SIGIRR: variants seen among roughly 807,000 people sequenced by gnomAD.
The protein encoded by SIGIRR is single Ig and TIR domain containing, also known as single Ig IL-1-related receptor.
SIGIRR carries 41 observed loss-of-function variants against 45.6 expected under a neutral mutation model. That is an observed-to-expected ratio of 0.90 (90% CI 0.70 to 1.17). SIGIRR has a LOEUF of 1.17. SIGIRR is among the 50% of genes most tolerant of loss of function. The pLI is 0.00. For missense variants in SIGIRR, 599 were observed against 539.6 expected (o/e 1.11, Z -1.09); for synonymous variants, 298 against 239.0 (o/e 1.25, Z -2.28).
In SIGIRR at chr11:409,923, C is replaced by T; in HGVS notation, c.-49G>A. ...GGGCAGGCTGGGCTCCAGGGTCACC[C>T]CTGGCTCCACCGGGCTCCTCGGCCA... On this transcript the variant is annotated 5_prime_UTR_variant, in exon 2 of 10. Transcript: ENST00000431843. The T allele has an allele frequency of 7.8e-7, 1 of 1,278,116 alleles. No homozygotes were observed. 79.2% of individuals were successfully genotyped at this position (1,278,116 alleles called of 1,614,324 possible). A position where few individuals can be genotyped will look rare whatever the true frequency, so the allele number is the denominator to read the frequency against.
chr11:409,164 T>A (rs1847481826), intron 2 of SIGIRR: 1 of 527,744 alleles, frequency 1.9e-6, no homozygotes, highest in African/African-American at 1.9e-5. Flanking sequence ...AAGCCCCATC[T>A]GGCTGCTTGT....
Position 414,878 on chromosome 11 carries a change from G to A in SIGIRR, c.-209C>T. The stretch of plus-strand genomic sequence containing the variant: ...ATGTTGGTCATTGGTGCGCCTTTGG[G>A]AGCAAACTCTCCCCTTCGCTGGGCC... On this transcript the variant is annotated 5_prime_UTR_variant, in exon 1 of 10. Coordinates refer to ENST00000431843, the MANE Select transcript of SIGIRR (RefSeq NM_001135054.2). The A allele has an allele frequency of 2.0e-6, 2 of 985,498 alleles. No homozygotes were observed. The highest frequency in any genetic ancestry group is 2.4e-6 in the Non-Finnish European group (2 of 830,000). The allele number at this position is 985,498 out of a possible 1,614,324, so 61.0% of individuals were successfully genotyped here.
At chr11:409,209 A>G in intron 2 of SIGIRR, 1 of 483,302 alleles carries the variant, frequency 2.1e-6, no homozygotes, top group South Asian at 1.8e-5. Flanking sequence ...CCCATTTCCC[A>G]GATGCACCTG....
At position 407,432 on chromosome 11, in the gene SIGIRR, C is replaced by A. The variant is rs368908496; in HGVS notation, c.618G>T (p.Pro206=). 89 of 1,546,624 alleles carry A rather than the reference C, an allele frequency of 5.8e-5. No individual in the cohort carries two copies. Among genetic ancestry groups the A allele is most frequent in the Non-Finnish European group, 7.4e-5 (85 of 1,145,448 alleles). Residue 206 remains proline, a synonymous_variant, in exon 6 of 10, where the codon CCG becomes CCT. Transcript: ENST00000431843. The stretch of plus-strand genomic sequence containing the variant: ...GGGTGGGGCCCGGGATACCAGCGCG[C>A]GGCAGGAGGTCGCGGTCGTCCAGGA... ...KLFLDDRDLL[P]RAEPSADLLV...
intron 2 of SIGIRR, 127 bp from the exon 3 acceptor site, chr11:409,020 C>G (rs540872460): frequency 6.0e-6 from 5 of 834,446 alleles, no homozygotes; most frequent in Non-Finnish European, 9.7e-6. Context: ...TGTCTGTCCA[C>G]GAGTCCCATG....
chr11:406,796 T>C (rs1471014640), intron 8 of SIGIRR, 47 bp downstream of exon 8: 3 of 1,472,824 alleles, frequency 2.0e-6, no homozygotes, highest in South Asian at 1.3e-5. Flanking sequence ...GCACCGCCCA[T>C]CTCTAACCCG....
intron 1 of SIGIRR, among the ~76,000 whole-genome samples, chr11:413,887 C>T (rs1250894551): frequency 5.8e-5 from 8 of 138,336 alleles, no homozygotes; most frequent in East Asian, 2.2e-4. Context: ...CACCCTCTCC[C>T]CTCCCCACCT....
chr11:407,228 A>G (rs865847623), intron 6 of SIGIRR, 64 bp from the exon 7 acceptor site: 6,413 of 419,064 alleles, frequency 0.015, 76 homozygotes, highest in African/African-American at 0.038. Flanking sequence ...CCGGAGGCTC[A>G]GGGGCGGTGC....
intron 1 of SIGIRR, 42 bp from the exon 2 acceptor site, chr11:410,069 G>A: frequency 5.7e-6 from 7 of 1,237,266 alleles, no homozygotes; most frequent in Non-Finnish European, 7.1e-6. Context: ...GGAACAGGAT[G>A]AGTTAACCAG....
At chr11:411,695 C>A (rs2133641181) in intron 1 of SIGIRR, among the ~76,000 whole-genome samples, 1 of 91,264 alleles carries the variant, frequency 1.1e-5, no homozygotes, top group African/African-American at 4.3e-5. Context: ...CCAGCTCTGA[C>A]CATGTCTGGA....
At chr11:407,195 G>A in intron 6 of SIGIRR, 31 bp from the exon 7 acceptor site, 1 of 1,039,422 alleles carries the variant, frequency 9.6e-7, no homozygotes, top group Non-Finnish European at 1.3e-6. Context: ...GCGGCGCAGG[G>A]GCGGGGGCGG....
chr11:409,180 C>A, intron 2 of SIGIRR: 1 of 512,068 alleles, frequency 2.0e-6, no homozygotes, highest in South Asian at 2.0e-5. Flanking sequence ...CTTGTCCACC[C>A]AGGATGTGAG....
chr11:412,860 G>A (rs1420690802), intron 1 of SIGIRR, among the ~76,000 whole-genome samples: 1 of 152,150 alleles, frequency 6.6e-6, no homozygotes, highest in Admixed American at 6.5e-5. Flanking sequence ...GAGGCCGGAG[G>A]GTGAACAGCG....
chr11:406,430 G>T lies in SIGIRR; in HGVS notation c.988C>A (p.Pro330Thr). 6.2e-7 allele frequency: 1 copy of T among 1,612,746 alleles called. No homozygotes were observed. Among genetic ancestry groups the T allele is most frequent in the Non-Finnish European group, 8.5e-7 (1 of 1,179,908 alleles). ...ACTCGGCCTCGAAGAATCAGCATGG[G>T]GTCCTTGTCGTCCTGCAGCTGCGTC... is the stretch of plus-strand genomic sequence containing the variant. The part of the protein sequence containing the change: ...PQTQLQDDKD[P>T]MLILRGRVPE... Residue 330 changes from proline to threonine, a missense_variant, in exon 9 of 10, where the codon CCC (proline) becomes ACC (threonine). By Grantham distance (38) the Pro-to-Thr change is conservative (BLOSUM62 -1). Transcript: ENST00000431843.
intron 3 of SIGIRR, 152 bp downstream of exon 3, chr11:408,543 T>C: frequency 1.1e-6 from 1 of 940,630 alleles, no homozygotes; most frequent in Non-Finnish European, 1.7e-6. Context: ...GGTCTGTCCC[T>C]GACATTACTG....
intron 4 of SIGIRR, 37 bp from the exon 5 acceptor site, chr11:407,994 A>C (rs368185991): frequency 4.5e-4 from 726 of 1,601,794 alleles, no homozygotes; most frequent in Middle Eastern, 6.6e-4. Flanking sequence ...CCCCTCCAGC[A>C]GCCCCCAAGC....
chr11:416,521 G>A (rs939333845), upstream of SIGIRR, among the ~76,000 whole-genome samples: 3 of 152,168 alleles, frequency 2.0e-5, no homozygotes, highest in African/African-American at 4.8e-5. The surrounding 1 kb of genome is among the most constrained non-coding windows in gnomAD (Gnocchi z 9.1). Context: ...GGCACCTTGA[G>A]GTTCTTAGAA....
At chr11:407,203 CGGGGGAG>C in intron 6 of SIGIRR, 39 bp from the exon 7 acceptor site, 1 of 67,172 alleles carries the variant, frequency 1.5e-5, no homozygotes, top group Non-Finnish European at 2.6e-5. Context: ...GGGGCGGGGG[CGGGGGAG>C]GGCGGGGCCG....
intron 1 of SIGIRR, 47 bp downstream of exon 1, chr11:414,776 C>T: frequency 1.0e-6 from 1 of 983,392 alleles, no homozygotes; most frequent in Non-Finnish European, 1.2e-6. Context: ...CTCCTCTCAG[C>T]CAGGCCCTGA....
Sources: allele counts gnomAD v4.1 joint callset (sites outside exome capture counted in the v4.1 genomes callset), GRCh38; gene constraint gnomAD v4.1.1; non-coding constraint Gnocchi (gnomAD v3.1); transcripts MANE v1.5; gene names NCBI Gene and HGNC (gene_info 2026-07-23, HGNC 2026-07-21).